PDE7B: variants seen among roughly 807,000 people sequenced by gnomAD.
PDE7B encodes phosphodiesterase 7B, also known as 3',5'-cyclic-AMP phosphodiesterase 7B.
In PDE7B, 29 loss-of-function variants were observed where a neutral mutation model predicts 56.2. The observed-to-expected ratio is 0.52, with a 90% confidence interval of 0.38 to 0.70. PDE7B has a LOEUF of 0.70. Among genes scored for constraint, PDE7B ranks in the 30% least tolerant of loss-of-function variants. PDE7B has a pLI of 0.00. For synonymous variants in PDE7B, 197 were observed against 196.9 expected (o/e 1.00, Z 0.00); for missense variants, 490 against 565.0 (o/e 0.87, Z 1.35).
At chr6:135,872,365 G>A (rs1350803197) in intron 1 of PDE7B, among the ~76,000 whole-genome samples, 1 of 152,056 alleles carries the variant, frequency 6.6e-6, no homozygotes, top group Admixed American at 6.6e-5. Flanking sequence ...TTCTTGTAGA[G>A]TATCATCCAC....
In PDE7B at chr6:136,087,778, C is replaced by A. The variant is rs147033563; in HGVS notation, c.83-20953C>A. ...AAATATATGTATATACATAGTCCTA[C>A]TTTGAGGGCAGTGTTGTTCTCGCAT... On this transcript the variant is annotated intron_variant, in intron 2 of 12. Transcript: ENST00000308191. Among the ~76,000 whole-genome samples, 20 of 152,302 alleles carry A rather than the reference C, an allele frequency of 1.3e-4. No homozygotes were observed. The East Asian group carries it at 3.9e-3, about 29-fold the overall frequency.
At chr6:136,138,141 T>C (rs1356438262) in intron 3 of PDE7B, among the ~76,000 whole-genome samples, 1 of 152,124 alleles carries the variant, frequency 6.6e-6, no homozygotes, top group African/African-American at 2.4e-5. Flanking sequence ...CCAGGCACAC[T>C]GTTAACATTC....
intron 2 of PDE7B, among the ~76,000 whole-genome samples, chr6:136,012,170 T>C (rs1404407151): frequency 6.6e-6 from 1 of 152,078 alleles, no homozygotes; most frequent in Non-Finnish European, 1.5e-5. Flanking sequence ...AGCCCCTGCC[T>C]ACAAGCTCCC....
Position 135,851,933 on chromosome 6 carries a change from T to C in PDE7B, c.-66T>C. 8.3e-7 allele frequency: 1 copy of C among 1,203,292 alleles called. No individual in the cohort carries two copies. The highest frequency in any genetic ancestry group is 1.2e-6 in the Non-Finnish European group (1 of 805,678). 74.5% of individuals were successfully genotyped at this position (1,203,292 alleles called of 1,614,324 possible). A position where few individuals can be genotyped will look rare whatever the true frequency, so the allele number is the denominator to read the frequency against. Reference sequence around the variant, plus strand: ...CTGGATTCTGCAGCACAAGTCTTCATGAACAAGCAGCACCGCTCAGAGATT... The same window carrying C: ...CTGGATTCTGCAGCACAAGTCTTCACGAACAAGCAGCACCGCTCAGAGATT... On this transcript the variant is annotated 5_prime_UTR_variant, in exon 1 of 13. The change abolishes an upstream ATG in the 5' untranslated region. Transcript: ENST00000308191.
intron 1 of PDE7B, among the ~76,000 whole-genome samples, chr6:135,917,712 A>AT (rs1381830774): frequency 6.6e-6 from 1 of 151,974 alleles, no homozygotes; most frequent in Non-Finnish European, 1.5e-5. Context: ...GAGAATCTGG[A>AT]TTTTGTTGTC....
intron 2 of PDE7B, among the ~76,000 whole-genome samples, chr6:136,015,614 G>A (rs1344032517): frequency 6.6e-6 from 1 of 152,100 alleles, no homozygotes; most frequent in Non-Finnish European, 1.5e-5. Flanking sequence ...GAACGAGGGG[G>A]AAATTGTCAA....
At chr6:135,960,659 CA>C (rs1269198176) in intron 2 of PDE7B, among the ~76,000 whole-genome samples, 1 of 152,128 alleles carries the variant, frequency 6.6e-6, no homozygotes, top group East Asian at 1.9e-4. Flanking sequence ...AAGTGCAGCT[CA>C]ATGAATTTTT....
intron 1 of PDE7B, among the ~76,000 whole-genome samples, chr6:135,888,340 A>G (rs1775746517): frequency 6.6e-6 from 1 of 152,126 alleles, no homozygotes; most frequent in Non-Finnish European, 1.5e-5. Context: ...GTACCTAACC[A>G]TTATGTTCTG....
chr6:136,123,532 G>A (rs1229448395), intron 3 of PDE7B, among the ~76,000 whole-genome samples: 3 of 152,188 alleles, frequency 2.0e-5, no homozygotes, highest in Admixed American at 1.3e-4. Flanking sequence ...GATAAGTGCT[G>A]CCTAATATAT....
At chr6:135,912,304 T>TA (rs1204503375) in intron 1 of PDE7B, among the ~76,000 whole-genome samples, 1 of 151,992 alleles carries the variant, frequency 6.6e-6, no homozygotes, top group Non-Finnish European at 1.5e-5. Context: ...AATACAACAA[T>TA]AAAAAAATAC....
chr6:135,962,539 C>G (rs1048217902), intron 2 of PDE7B, among the ~76,000 whole-genome samples: 1 of 152,036 alleles, frequency 6.6e-6, no homozygotes, highest in African/African-American at 2.4e-5. Context: ...TGTGGTCATT[C>G]ATTTTTCTAA....
intron 1 of PDE7B, among the ~76,000 whole-genome samples, chr6:135,894,218 G>A (rs538372913): frequency 8.1e-4 from 123 of 152,172 alleles, no homozygotes; most frequent in Non-Finnish European, 1.4e-3. Context: ...TTTATTAGAC[G>A]TTTTAAACTA....
chr6:135,980,095 A>G (rs1194627860), intron 2 of PDE7B, among the ~76,000 whole-genome samples: 13 of 152,188 alleles, frequency 8.5e-5, no homozygotes, highest in Non-Finnish European at 1.5e-5. Context: ...AAACAGAGAT[A>G]TAGATCAATG....
chr6:136,055,999 C>A (rs1466564799), intron 2 of PDE7B, among the ~76,000 whole-genome samples: 1 of 152,048 alleles, frequency 6.6e-6, no homozygotes, highest in African/African-American at 2.4e-5. Flanking sequence ...GTAACACCGG[C>A]TTTTTAAAAG....
chr6:135,922,603 C>T (rs1235572116), intron 1 of PDE7B, among the ~76,000 whole-genome samples: 1 of 152,124 alleles, frequency 6.6e-6, no homozygotes, highest in Admixed American at 6.6e-5. Flanking sequence ...AGTTACAAGA[C>T]TTCTTTAATG....
Position 136,175,311 on chromosome 6 carries a change from C to G in PDE7B, c.803+1423C>G, listed in dbSNP as rs371341523. 3.8e-4 allele frequency among the ~76,000 whole-genome samples: 58 copies of G among 152,192 alleles called. 1 individual carries two copies. Among genetic ancestry groups the G allele is most frequent in the African/African-American group, 1.3e-3 (56 of 41,528 alleles). ...TTATTCCTTCTATCACAGGTAAATG[C>G]TTTAATGTCATTTTTCTGATTTTAA... On this transcript the variant is annotated intron_variant, in intron 9 of 12. Coordinates refer to ENST00000308191, the MANE Select transcript of PDE7B (RefSeq NM_018945.4).
intron 3 of PDE7B, among the ~76,000 whole-genome samples, chr6:136,123,671 C>G (rs1777976229): frequency 6.6e-6 from 1 of 152,216 alleles, no homozygotes; most frequent in South Asian, 2.1e-4. Flanking sequence ...TGAGGCATAA[C>G]TTAACTCTTC....
intron 3 of PDE7B, among the ~76,000 whole-genome samples, chr6:136,129,117 C>T (rs907407932): frequency 2.6e-5 from 4 of 152,192 alleles, no homozygotes; most frequent in Non-Finnish European, 4.4e-5. Flanking sequence ...GGGCATATAC[C>T]ATGTAGATTC....
At chr6:135,906,595 CTTCCCTATTTTGT>C (rs1169935324) in intron 1 of PDE7B, among the ~76,000 whole-genome samples, 3 of 152,078 alleles carry the variant, frequency 2.0e-5, no homozygotes, top group Non-Finnish European at 4.4e-5. Flanking sequence ...CTAGAAATGT[CTTCCCTATTTTGT>C]TATTTTTGTT....
Sources: gnomAD v4.1 joint callset for allele counts (sites outside exome capture counted in the v4.1 genomes callset) on GRCh38, gnomAD v4.1.1 for gene constraint, MANE v1.5 for transcripts, NCBI Gene and HGNC (gene_info 2026-07-23, HGNC 2026-07-21) for gene names.